The following RBFOX1 variants were observed in gnomAD, a reference collection of about 807,000 sequenced individuals.
The protein encoded by RBFOX1 is RNA binding protein fox-1 homolog 1.
In RBFOX1, 8 loss-of-function variants were observed where a neutral mutation model predicts 57.7. That is an observed-to-expected ratio of 0.14 (90% confidence interval 0.08 to 0.25). The LOEUF (loss-of-function observed/expected upper bound fraction) is 0.25. RBFOX1 is among the 10% of genes least tolerant of loss of function. The pLI is 1.00. For synonymous variants in RBFOX1, 326 were observed against 222.4 expected (o/e 1.47, Z -4.15); for missense variants, 611 against 548.5 (o/e 1.11, Z -1.14).
chr16:6,805,987 G>C (rs2086679077), intron 3 of RBFOX1, among the ~76,000 whole-genome samples: 3 of 152,174 alleles, frequency 2.0e-5, no homozygotes, highest in Admixed American at 2.0e-4. Context: ...CCTTTTGTGA[G>C]GTGAGAAGGG....
chr16:6,288,791 C>A (rs1438816391), intron 1 of RBFOX1, among the ~76,000 whole-genome samples: 1 of 152,076 alleles, frequency 6.6e-6, no homozygotes, highest in African/African-American at 2.4e-5. Context: ...CTGTGCTTGG[C>A]TGCATTGTAG....
chr16:7,136,562 A>G (rs552688835), intron 4 of RBFOX1, among the ~76,000 whole-genome samples: 1 of 152,050 alleles, frequency 6.6e-6, no homozygotes, highest in Non-Finnish European at 1.5e-5. Context: ...GCACGCCACC[A>G]CACCTAGCTA....
At chr16:5,265,066 A>T (rs1362326655) in intron 1 of RBFOX1, among the ~76,000 whole-genome samples, 7 of 152,202 alleles carry the variant, frequency 4.6e-5, no homozygotes, top group Non-Finnish European at 7.3e-5. Context: ...AAAAGAAAAA[A>T]AAATAGCAAC....
Position 6,967,590 on chromosome 16 carries a change from C to T in RBFOX1, c.-15-84467C>T, listed in dbSNP as rs529579459. On this transcript the variant is annotated intron_variant, in intron 3 of 15. Coordinates refer to ENST00000550418, the MANE Select transcript of RBFOX1 (RefSeq NM_018723.4). The stretch of plus-strand genomic sequence containing the variant: ...ACCTCTTTACATGTCATCAGCTTCT[C>T]TAGTTCACCCTGCCCCTCAGTACTC... 5.3e-5 allele frequency among the ~76,000 whole-genome samples: 8 copies of T among 152,244 alleles called. 1 individual carries two copies. The highest frequency in any genetic ancestry group is 2.1e-4 in the South Asian group (1 of 4,814).
chr16:6,205,237 TC>T (rs1189223705), intron 1 of RBFOX1, among the ~76,000 whole-genome samples: 1 of 152,098 alleles, frequency 6.6e-6, no homozygotes, highest in Non-Finnish European at 1.5e-5. Context: ...TTCCGAAGAG[TC>T]CTCTTCTGTC....
intron 3 of RBFOX1, among the ~76,000 whole-genome samples, chr16:5,824,839 C>G (rs150439161): frequency 6.6e-6 from 1 of 152,152 alleles, no homozygotes; most frequent in Non-Finnish European, 1.5e-5. Context: ...CTTCCCATCC[C>G]TGGTTCCCGA....
chr16:6,074,190 C>T lies in RBFOX1; in HGVS notation c.-127+54198C>T, dbSNP rs536490905. Among the ~76,000 whole-genome samples, 13 of 152,202 alleles carry T rather than the reference C, an allele frequency of 8.5e-5. No homozygotes were observed. In the East Asian group the frequency reaches 1.4e-3, roughly 16 times the overall value. ...GTCTTGACCTTCTGACCTTGTGATC[C>T]GCCCGCCTCAGCCTACCAAAGTGCT... On this transcript the variant is annotated intron_variant, in intron 1 of 15. Transcript: ENST00000550418.
At chr16:6,935,348 C>T (rs1351265522) in intron 3 of RBFOX1, among the ~76,000 whole-genome samples, 1 of 152,168 alleles carries the variant, frequency 6.6e-6, no homozygotes, top group Non-Finnish European at 1.5e-5. Context: ...AGAGCCTCAT[C>T]TCCCTCCCCA....
At chr16:7,440,647 C>T (rs1165549950) in intron 4 of RBFOX1, among the ~76,000 whole-genome samples, 1 of 152,144 alleles carries the variant, frequency 6.6e-6, no homozygotes, top group Non-Finnish European at 1.5e-5. Context: ...TTTAGCCTCA[C>T]AGGTTTTGCT....
At chr16:5,335,573 G>A (rs143504648) in intron 1 of RBFOX1, among the ~76,000 whole-genome samples, 4 of 152,288 alleles carry the variant, frequency 2.6e-5, no homozygotes, top group East Asian at 1.9e-4. Flanking sequence ...ACTTTGATAG[G>A]CTTTGCTATG....
At chr16:5,758,990 A>G (rs1421135522) in intron 3 of RBFOX1, among the ~76,000 whole-genome samples, 1 of 152,238 alleles carries the variant, frequency 6.6e-6, no homozygotes, top group South Asian at 2.1e-4. Context: ...CACCATTTGC[A>G]GTTAAACCAT....
rs140198271 is a variant in RBFOX1 at position 7,301,285 on chromosome 16, G to T, written c.28-216862G>T. Among the ~76,000 whole-genome samples the T allele has an allele frequency of 4.4e-3, 673 of 152,320 alleles. 1 individual carries two copies. Among genetic ancestry groups the T allele is most frequent in the African/African-American group, 0.015 (637 of 41,564 alleles). ...ATATAGTTGCAGTGTTTATGGGAAG[G>T]GGACTTGTCCCTGTGTGTGATTGTG... On this transcript the variant is annotated intron_variant, in intron 4 of 15. Transcript: ENST00000550418.
At chr16:6,557,082 T>C (rs1945862203) in intron 2 of RBFOX1, among the ~76,000 whole-genome samples, 1 of 139,114 alleles carries the variant, frequency 7.2e-6, no homozygotes, top group African/African-American at 2.5e-5. Flanking sequence ...TATACATATA[T>C]ACATACATAT....
chr16:6,411,923 G>C lies in RBFOX1; in HGVS notation c.-64+94866G>C, dbSNP rs143838920. ...CTGAGGTGGTCGGCTTACGAGGTCA[G>C]GAGTTTGAGACAAGCCTGGCCAACA... On this transcript the variant is annotated intron_variant, in intron 2 of 15. Transcript: ENST00000550418. Among the ~76,000 whole-genome samples, 93 of 152,192 alleles carry C rather than the reference G, an allele frequency of 6.1e-4. No individual in the cohort carries two copies. The Middle Eastern group carries it at 0.014, about 22-fold the overall frequency.
chr16:7,381,536 A>C (rs1390297167), intron 4 of RBFOX1, among the ~76,000 whole-genome samples: 1 of 151,522 alleles, frequency 6.6e-6, no homozygotes, highest in African/African-American at 2.4e-5. Context: ...ACAGCTTCAC[A>C]GTGTTCTGTT....
At chr16:7,047,837 T>C (rs923424562) in intron 3 of RBFOX1, among the ~76,000 whole-genome samples, 7 of 151,470 alleles carry the variant, frequency 4.6e-5, no homozygotes, top group Non-Finnish European at 1.0e-4. Flanking sequence ...CTTCATTCTG[T>C]GTTTGGACAC....
chr16:5,640,799 CAT>C (rs2048839917), intron 3 of RBFOX1, among the ~76,000 whole-genome samples: 1 of 151,106 alleles, frequency 6.6e-6, no homozygotes, highest in African/African-American at 2.4e-5. Flanking sequence ...CATACACACA[CAT>C]ATACACATGC....
intron 14 of RBFOX1, among the ~76,000 whole-genome samples, chr16:7,684,856 C>A (rs1273762068): frequency 6.6e-6 from 1 of 152,032 alleles, no homozygotes; most frequent in Middle Eastern, 3.2e-3. Context: ...ATACCAGCTT[C>A]CCTGTTTTTT....
At chr16:7,187,997 T>A (rs1335245473) in intron 4 of RBFOX1, among the ~76,000 whole-genome samples, 1 of 152,220 alleles carries the variant, frequency 6.6e-6, no homozygotes, top group African/African-American at 2.4e-5. Flanking sequence ...TCTGACTGTG[T>A]GCTAGCCATA....
Sources: gnomAD v4.1 joint callset for allele counts (sites outside exome capture counted in the v4.1 genomes callset) on GRCh38, gnomAD v4.1.1 for gene constraint, MANE v1.5 for transcripts, NCBI Gene and HGNC (gene_info 2026-07-23, HGNC 2026-07-21) for gene names.